REC114: variants seen among roughly 807,000 people sequenced by gnomAD.
The protein encoded by REC114 is REC114 meiotic recombination protein, also known as meiotic recombination protein REC114.
A neutral mutation model predicts 31.3 loss-of-function variants in REC114; 27 were observed. The ratio of observed to expected loss-of-function variants is 0.86; its 90% CI spans 0.64 to 1.19. REC114 has a LOEUF of 1.19. Among genes scored for constraint, REC114 ranks in the 50% most tolerant of loss-of-function variants. The pLI, the probability that REC114 is intolerant of heterozygous loss-of-function variation, is 0.00. For synonymous variants in REC114, 134 were observed against 127.7 expected, an observed-to-expected ratio of 1.05 and a Z score of -0.33; for missense variants, 344 against 326.9, an observed-to-expected ratio of 1.05 and a Z score of -0.40.
chr15:73,468,342 G>A (rs1025177466), intron 1 of REC114, among the ~76,000 whole-genome samples: 1 of 151,940 alleles, frequency 6.6e-6, no homozygotes, highest in African/African-American at 2.4e-5. Context: ...TATTTTTGAT[G>A]TTGTAAATTT....
chr15:73,447,648 A>AAAAT (rs60241454), intron 1 of REC114, among the ~76,000 whole-genome samples: 48,561 of 143,132 alleles, frequency 0.34, 8,564 homozygotes, highest in Middle Eastern at 0.45. Context: ...ACTCTGTCTC[A>AAAAT]AAATAAATAA....
At chr15:73,535,643 A>G (rs1479243023) in intron 2 of REC114, among the ~76,000 whole-genome samples, 1 of 145,624 alleles carries the variant, frequency 6.9e-6, no homozygotes, top group Non-Finnish European at 1.5e-5. Flanking sequence ...TCAAGCTACC[A>G]ATGACTTTCT....
At chr15:73,445,265 G>A (rs189092957) in intron 1 of REC114, among the ~76,000 whole-genome samples, 4 of 152,250 alleles carry the variant, frequency 2.6e-5, no homozygotes, top group African/African-American at 7.2e-5. Flanking sequence ...AGCTATGAAC[G>A]TCCTAGATGG....
chr15:73,476,008 T>A (rs970712253), intron 2 of REC114, among the ~76,000 whole-genome samples: 1 of 152,160 alleles, frequency 6.6e-6, no homozygotes, highest in Non-Finnish European at 1.5e-5. Context: ...TACGGTAACA[T>A]GCTTTACAGG....
At chr15:73,499,960 G>A (rs1314353716) in intron 2 of REC114, among the ~76,000 whole-genome samples, 4 of 152,098 alleles carry the variant, frequency 2.6e-5, no homozygotes, top group Non-Finnish European at 5.9e-5. Flanking sequence ...CAGAAGTAGA[G>A]AGAATAATAT....
intron 2 of REC114, among the ~76,000 whole-genome samples, chr15:73,526,479 A>G (rs568745738): frequency 2.5e-4 from 38 of 152,012 alleles, no homozygotes; most frequent in Non-Finnish European, 4.9e-4. Flanking sequence ...CTCCTTTATC[A>G]CCACCCACCA....
chr15:73,479,801 A>G (rs1238131293), intron 2 of REC114, among the ~76,000 whole-genome samples: 1 of 152,152 alleles, frequency 6.6e-6, no homozygotes, highest in African/African-American at 2.4e-5. Context: ...GTGTATATGT[A>G]CCTATATACA....
intron 2 of REC114, among the ~76,000 whole-genome samples, chr15:73,511,129 T>A (rs903992927): frequency 6.6e-6 from 1 of 152,032 alleles, no homozygotes; most frequent in Non-Finnish European, 1.5e-5. Context: ...GCTCCTGTTA[T>A]TGGTCTATTC....
chr15:73,507,548 C>T (rs1011706380), intron 2 of REC114, among the ~76,000 whole-genome samples: 3 of 152,016 alleles, frequency 2.0e-5, no homozygotes, highest in African/African-American at 7.2e-5. Flanking sequence ...GGCTGGAGGA[C>T]AGAAATGAGA....
At chr15:73,539,620 G>GT (rs1164328386) in intron 2 of REC114, among the ~76,000 whole-genome samples, 4 of 151,770 alleles carry the variant, frequency 2.6e-5, no homozygotes, top group African/African-American at 9.7e-5. Context: ...ATTTTCTTCT[G>GT]TTTTTTTAAG....
chr15:73,481,698 G>A (rs189567911), intron 2 of REC114, among the ~76,000 whole-genome samples: 166 of 120,840 alleles, frequency 1.4e-3, no homozygotes, highest in Non-Finnish European at 3.2e-4. Flanking sequence ...TCACTCTGTC[G>A]CCTAGGCTGG....
At chr15:73,470,197 C>T (rs1228967201) in intron 1 of REC114, among the ~76,000 whole-genome samples, 3 of 152,044 alleles carry the variant, frequency 2.0e-5, no homozygotes, top group African/African-American at 7.2e-5. Flanking sequence ...ATTTTCCCAT[C>T]TGTTCTTTGT....
At position 73,500,736 on chromosome 15, in the gene REC114, T is replaced by G. The variant is rs974759840; in HGVS notation, c.249+26815T>G. On this transcript the variant is annotated intron_variant, in intron 2 of 5. Coordinates refer to ENST00000331090, the MANE Select transcript of REC114 (RefSeq NM_001042367.2). ...TGTTCTCTTCAATTATTGTTTTTTT[T>G]TTTTTTTTTTCACTGCTGGTAACAT... is the stretch of plus-strand genomic sequence containing the variant. Among the ~76,000 whole-genome samples the G allele has an allele frequency of 9.9e-5, 15 of 152,040 alleles. No individual in the cohort carries two copies. In the East Asian group the frequency reaches 1.9e-3, roughly 20 times the overall value.
chr15:73,483,216 T>C (rs189803821), intron 2 of REC114: 2 of 153,600 alleles, frequency 1.3e-5, no homozygotes, highest in African/African-American at 2.4e-5. Context: ...TGAGTACTTC[T>C]GGTCAGGCTT....
At chr15:73,444,502 T>TC in intron 1 of REC114, among the ~76,000 whole-genome samples, 1 of 152,358 alleles carries the variant, frequency 6.6e-6, no homozygotes, top group South Asian at 2.1e-4. Context: ...CGTCATCTCT[T>TC]CAAGTTTTAT....
chr15:73,523,783 C>A (rs1893969334), intron 2 of REC114, among the ~76,000 whole-genome samples: 1 of 152,086 alleles, frequency 6.6e-6, no homozygotes, highest in South Asian at 2.1e-4. Flanking sequence ...GGCAAAGATT[C>A]TCTCCTATGT....
At chr15:73,524,605 CT>C (rs894277748) in intron 2 of REC114, among the ~76,000 whole-genome samples, 23 of 151,138 alleles carry the variant, frequency 1.5e-4, no homozygotes, top group Non-Finnish European at 2.4e-4. Flanking sequence ...TTTTATTTTT[CT>C]TTTTTTTTGG....
chr15:73,543,649 C>T (rs1451996562), intron 3 of REC114, among the ~76,000 whole-genome samples: 1 of 152,094 alleles, frequency 6.6e-6, no homozygotes, highest in Non-Finnish European at 1.5e-5. Context: ...TTCTTTATCC[C>T]AAATATATTT....
chr15:73,499,807 ACT>A (rs1311554198), intron 2 of REC114, among the ~76,000 whole-genome samples: 2 of 150,768 alleles, frequency 1.3e-5, no homozygotes, highest in Non-Finnish European at 3.0e-5. Flanking sequence ...GTCCCTGAAA[ACT>A]CTGCAGTTTT....
Sources: allele counts gnomAD v4.1 joint callset (sites outside exome capture counted in the v4.1 genomes callset), GRCh38; gene constraint gnomAD v4.1.1; transcripts MANE v1.5; gene names NCBI Gene and HGNC (gene_info 2026-07-23, HGNC 2026-07-21).